TOMM70: variants seen among roughly 807,000 people sequenced by gnomAD.
TOMM70 encodes translocase of outer mitochondrial membrane 70.
Under a neutral mutation model 73.6 loss-of-function variants are expected in TOMM70, and 13 were observed. The observed-to-expected ratio is 0.18, with a 90% confidence interval of 0.11 to 0.28. TOMM70 has a LOEUF of 0.28. TOMM70 is among the 10% of genes least tolerant of loss of function. The probability of loss-of-function intolerance (pLI) is 1.00; values close to 1 mark genes in which losing one functional copy is unlikely to be tolerated. For synonymous variants in TOMM70, 257 were observed against 271.2 expected, an observed-to-expected ratio of 0.95 and a Z score of 0.51; for missense variants, 609 against 747.5, an observed-to-expected ratio of 0.81 and a Z score of 2.16.
intron 1 of TOMM70, 46 bp downstream of exon 1, chr3:100,400,580 C>T: frequency 6.3e-7 from 1 of 1,582,492 alleles, no homozygotes; most frequent in Non-Finnish European, 8.6e-7. Flanking sequence ...CAAGGAAAAG[C>T]TGCACGAGCC....
Position 100,400,964 on chromosome 3 carries a change from G to A in TOMM70, c.-15C>T, listed in dbSNP as rs1454585693. The A allele has an allele frequency of 3.9e-6, 6 of 1,527,056 alleles. No individual in the cohort carries two copies. Among genetic ancestry groups the A allele is most frequent in the Non-Finnish European group, 3.5e-6 (4 of 1,143,244 alleles). The allele number at this position is 1,527,056 out of a possible 1,614,324, so 94.6% of individuals were successfully genotyped here. On this transcript the variant is annotated 5_prime_UTR_variant, in exon 1 of 12. Transcript: ENST00000284320. ...GAGGCGGCCATGACAAGTGTCCTCT[G>A]CCACCGCCTCCCTGTCTGTCGCGAG...
At chr3:100,387,559 A>C (rs1313387371) in intron 1 of TOMM70, among the ~76,000 whole-genome samples, 1 of 150,578 alleles carries the variant, frequency 6.6e-6, no homozygotes, top group East Asian at 2.0e-4. Context: ...TTACAGGTGC[A>C]CACCACCACG....
At chr3:100,399,934 G>A (rs1300182411) in intron 1 of TOMM70, among the ~76,000 whole-genome samples, 3 of 152,112 alleles carry the variant, frequency 2.0e-5, no homozygotes, top group Non-Finnish European at 4.4e-5. Context: ...CATGGCAGGA[G>A]AGGTTACGGG....
At chr3:100,388,822 GATT>G (rs1214907022) in intron 1 of TOMM70, among the ~76,000 whole-genome samples, 1 of 151,986 alleles carries the variant, frequency 6.6e-6, no homozygotes, top group Non-Finnish European at 1.5e-5. Flanking sequence ...AATGAAAAAA[GATT>G]ATTACAATTA....
Position 100,377,822 on chromosome 3 carries a change from G to T in TOMM70, c.975C>A (p.Gly325=), listed in dbSNP as rs1176369463. ...GTAGCAATGCTTCTGCCATGTATTT[G>T]CCTTCAGCATCTATTTCTTTTGAGC... ...SECSKEIDAE[G]KYMAEALLLR... is the part of the protein sequence containing the mutation. The change falls in exon 6 of 12, where the codon GGC becomes GGA. Residue 325 remains glycine (G), a synonymous_variant. Transcript: ENST00000284320. 1.3e-5 allele frequency: 21 copies of T among 1,614,164 alleles called. No individual in the cohort carries two copies. The highest frequency in any genetic ancestry group is 1.5e-5 in the Non-Finnish European group (18 of 1,180,018).
chr3:100,388,693 G>C (rs1347114880), intron 1 of TOMM70, among the ~76,000 whole-genome samples: 2 of 152,028 alleles, frequency 1.3e-5, no homozygotes, highest in Non-Finnish European at 2.9e-5. Context: ...TATAAAAGTA[G>C]TATCTGAGAA....
At position 100,400,551 on chromosome 3, in the gene TOMM70, C is replaced by T. The variant is rs1380880845; in HGVS notation, c.324+75G>A. The T allele has an allele frequency of 9.9e-6, 15 of 1,519,634 alleles. No individual in the cohort carries two copies. The East Asian group carries it at 3.4e-4, about 34-fold the overall frequency. 94.1% of individuals were successfully genotyped at this position (1,519,634 alleles called of 1,614,324 possible). ...GCAGCTTCCGTCTGATGGGAAGCCCCCTCACTGACACAACCCGCCAAGGAA... is the reference window on the plus strand; with the variant it reads ...GCAGCTTCCGTCTGATGGGAAGCCCTCTCACTGACACAACCCGCCAAGGAA... On this transcript the variant is annotated intron_variant, in intron 1 of 11. Transcript: ENST00000284320.
chr3:100,368,564 T>C (rs775681054), intron 10 of TOMM70, among the ~76,000 whole-genome samples: 2 of 152,104 alleles, frequency 1.3e-5, no homozygotes, highest in Non-Finnish European at 1.5e-5. Context: ...GCAAGAATAG[T>C]ACATTAATTT....
intron 7 of TOMM70, among the ~76,000 whole-genome samples, chr3:100,374,804 T>C (rs950039231): frequency 5.9e-5 from 9 of 152,186 alleles, no homozygotes; most frequent in Non-Finnish European, 8.8e-5. Flanking sequence ...TTGCCTTCCT[T>C]TACTCTTTTT....
At chr3:100,371,324 G>A (rs1442892551) in intron 9 of TOMM70, among the ~76,000 whole-genome samples, 2 of 139,804 alleles carry the variant, frequency 1.4e-5, no homozygotes, top group African/African-American at 5.4e-5. Context: ...GAGTGTGGTA[G>A]TGTGATCTCA....
At chr3:100,399,787 G>T (rs1014232016) in intron 1 of TOMM70, among the ~76,000 whole-genome samples, 2 of 151,090 alleles carry the variant, frequency 1.3e-5, no homozygotes, top group South Asian at 2.1e-4. Context: ...CTGGGGCAGG[G>T]GGCTGTGTGC....
rs1168690370 is a variant in TOMM70 at position 100,379,951 on chromosome 3, A to G, written c.884+1664T>C. On this transcript the variant is annotated intron_variant, in intron 5 of 11. Coordinates refer to ENST00000284320, the MANE Select transcript of TOMM70 (RefSeq NM_014820.5). ...GTCTCTTAAAAAAATTTAAAAAGTT[A>G]TGTCAGCCAAAAATCTTATAAGCTC... Among the ~76,000 whole-genome samples the G allele has an allele frequency of 4.6e-5, 7 of 152,298 alleles. No homozygotes were observed. The East Asian group carries it at 1.4e-3, about 29-fold the overall frequency.
intron 1 of TOMM70, among the ~76,000 whole-genome samples, chr3:100,398,877 G>A (rs1241051098): frequency 6.6e-6 from 1 of 152,176 alleles, no homozygotes; most frequent in African/African-American, 2.4e-5. Flanking sequence ...TCTCCCATAG[G>A]AAAGATCATA....
At position 100,369,149 on chromosome 3, in the gene TOMM70, T is replaced by A. The variant is rs763808857; in HGVS notation, c.1453-14A>T. 2.5e-6 allele frequency: 4 copies of A among 1,572,204 alleles called. No individual in the cohort carries two copies. The highest frequency in any genetic ancestry group is 2.2e-5 in the East Asian group (1 of 44,588). ...ATCTGTTAATGCCTATGTGAGGAGATACTTCAGTTATATTAAGGTAACCGT... is the reference window on the plus strand; with the variant it reads ...ATCTGTTAATGCCTATGTGAGGAGAAACTTCAGTTATATTAAGGTAACCGT... On this transcript the variant is annotated splice_polypyrimidine_tract_variant and intron_variant, in intron 9 of 11. Transcript: ENST00000284320.
chr3:100,372,318 T>C (rs1292877629), intron 9 of TOMM70: 1 of 274,484 alleles, frequency 3.6e-6, no homozygotes, highest in African/African-American at 2.2e-5. Context: ...TACGGTAAAT[T>C]TTCCTAAGGT....
intron 1 of TOMM70, among the ~76,000 whole-genome samples, chr3:100,400,082 A>G (rs1480765716): frequency 6.6e-6 from 1 of 152,156 alleles, no homozygotes; most frequent in Non-Finnish European, 1.5e-5. Flanking sequence ...GAACCTGTGT[A>G]GTCTTTCTTT....
intron 9 of TOMM70, among the ~76,000 whole-genome samples, chr3:100,371,247 A>G (rs1027197091): frequency 6.6e-6 from 1 of 150,694 alleles, no homozygotes; most frequent in African/African-American, 2.4e-5. Flanking sequence ...AGAGGGGTCA[A>G]CCAGCGATGG....
chr3:100,387,039 A>C, intron 1 of TOMM70, 61 bp from the exon 2 acceptor site: 9 of 1,524,486 alleles, frequency 5.9e-6, no homozygotes, highest in Non-Finnish European at 8.0e-6. Flanking sequence ...AGACCACAGT[A>C]ATTAAACAAT....
rs1706551564 is a variant in TOMM70, at chr3:100,375,414, C to T, written c.1093-262G>A. Among the ~76,000 whole-genome samples the T allele has an allele frequency of 2.0e-5, 3 of 152,146 alleles. No individual in the cohort carries two copies. The South Asian group carries it at 6.2e-4, about 32-fold the overall frequency. On this transcript the variant is annotated intron_variant, in intron 6 of 11. Coordinates refer to ENST00000284320, the MANE Select transcript of TOMM70 (RefSeq NM_014820.5). ...TCCCCCTCACCTCCTACTCTTCAGC[C>T]CCTAGAAAACACCAACCTATTTTCT...
Sources: gnomAD v4.1 joint callset for allele counts (sites outside exome capture counted in the v4.1 genomes callset) on GRCh38, gnomAD v4.1.1 for gene constraint, MANE v1.5 for transcripts, NCBI Gene and HGNC (gene_info 2026-07-23, HGNC 2026-07-21) for gene names.